ANAPC13: variants seen among roughly 807,000 people sequenced by gnomAD.
ANAPC13 encodes the protein anaphase-promoting complex subunit 13.
In ANAPC13, 9 loss-of-function variants were observed where a neutral mutation model predicts 9.6. The ratio of observed to expected loss-of-function variants is 0.94; its 90% CI spans 0.57 to 1.64. The LOEUF (loss-of-function observed/expected upper bound fraction) is 1.64. Ranked by LOEUF, ANAPC13 falls within the 40% of genes most tolerant of loss-of-function variation. The probability of loss-of-function intolerance (pLI) is 0.00; values close to 1 mark genes in which losing one functional copy is unlikely to be tolerated. For synonymous variants in ANAPC13, 30 were observed against 29.7 expected (o/e 1.01, Z -0.03); for missense variants, 75 against 85.3 (o/e 0.88, Z 0.48).
intron 1 of ANAPC13, among the ~76,000 whole-genome samples, chr3:134,484,280 T>C (rs1186117443): frequency 6.6e-6 from 1 of 151,960 alleles, no homozygotes; most frequent in African/African-American, 2.4e-5. Flanking sequence ...CTCGGGAGGC[T>C]GAGGCAGGAG....
In ANAPC13 at chr3:134,478,827, A is replaced by AT. The variant is rs1934669128; in HGVS notation, c.100-113dup. The AT allele has an allele frequency of 5.8e-6, 7 of 1,206,758 alleles. No individual in the cohort carries two copies. In the South Asian group the frequency reaches 8.3e-5, roughly 14 times the overall value. The allele number at this position is 1,206,758 out of a possible 1,614,324, so 74.8% of individuals were successfully genotyped here. On this transcript the variant is annotated intron_variant, in intron 2 of 2. Coordinates refer to ENST00000354910, the MANE Select transcript of ANAPC13 (RefSeq NM_015391.4). ...TTCCTAGGAACAGGCAACATAATTGATATGTGTATTCTAAAAAAGCTAAAA... is the reference window on the plus strand; with the variant it reads ...TTCCTAGGAACAGGCAACATAATTGATTATGTGTATTCTAAAAAAGCTAAAA...
intron 2 of ANAPC13, among the ~76,000 whole-genome samples, chr3:134,482,285 A>C (rs538743099): frequency 1.3e-5 from 2 of 152,318 alleles, no homozygotes; most frequent in East Asian, 3.9e-4. Flanking sequence ...CCTGCAGCAG[A>C]GTTTTCCAAA....
intron 1 of ANAPC13, among the ~76,000 whole-genome samples, chr3:134,484,387 G>A (rs377273787): frequency 1.3e-5 from 1 of 76,908 alleles, no homozygotes; most frequent in African/African-American, 4.4e-5. Flanking sequence ...ATTCCGTCTC[G>A]GAAAAAAAAA....
At chr3:134,481,617 A>C (rs1163642031) in intron 2 of ANAPC13, among the ~76,000 whole-genome samples, 1 of 152,184 alleles carries the variant, frequency 6.6e-6, no homozygotes, top group East Asian at 1.9e-4. Flanking sequence ...TAGACCCCTC[A>C]GGAGGAGGAA....
At chr3:134,480,562 T>C (rs1934712529) in intron 2 of ANAPC13, among the ~76,000 whole-genome samples, 1 of 152,216 alleles carries the variant, frequency 6.6e-6, no homozygotes, top group Admixed American at 6.5e-5. Flanking sequence ...GTGGGCCAGT[T>C]CTTGGCCTAA....
chr3:134,485,885 C>T (rs367720735), intron 1 of ANAPC13, 67 bp downstream of exon 1: 1 of 641,076 alleles, frequency 1.6e-6, no homozygotes, highest in Non-Finnish European at 1.9e-6. Context: ...GGGGGAAGTC[C>T]GACACTGAGC....
chr3:134,484,792 G>A (rs1450935210), intron 1 of ANAPC13, among the ~76,000 whole-genome samples: 1 of 152,130 alleles, frequency 6.6e-6, no homozygotes, highest in African/African-American at 2.4e-5. Flanking sequence ...GGAGGCCCAC[G>A]TAGATTTTCC....
intron 2 of ANAPC13, among the ~76,000 whole-genome samples, chr3:134,482,145 C>G (rs776363334): frequency 2.0e-5 from 3 of 152,204 alleles, no homozygotes; most frequent in African/African-American, 4.8e-5. Context: ...CTCAGGGCAG[C>G]TGGCATGCTT....
Position 134,478,497 on chromosome 3 carries a change from T to A in ANAPC13, c.*93A>T. The A allele has an allele frequency of 6.7e-7, 1 of 1,483,240 alleles. No homozygotes were observed. The highest frequency in any genetic ancestry group is 9.1e-7 in the Non-Finnish European group (1 of 1,097,992). The allele number at this position is 1,483,240 out of a possible 1,614,324, so 91.9% of individuals were successfully genotyped here. On this transcript the variant is annotated 3_prime_UTR_variant, in exon 3 of 3. Transcript: ENST00000354910. ...TGGGTGTACATTTTTGAGTGCTGAT[T>A]TATTACTCAAAGGTTTGAATTTGGA...
intron 2 of ANAPC13, among the ~76,000 whole-genome samples, chr3:134,480,512 T>C (rs182563800): frequency 6.4e-4 from 97 of 152,340 alleles, no homozygotes; most frequent in Admixed American, 6.3e-3. Flanking sequence ...GGACTGGCCC[T>C]GTGAGTTGTT....
chr3:134,480,940 C>A (rs376184120), intron 2 of ANAPC13, among the ~76,000 whole-genome samples: 1 of 152,306 alleles, frequency 6.6e-6, no homozygotes, highest in Admixed American at 6.5e-5. Flanking sequence ...GCAAGACAAG[C>A]GAAAGGTGTG....
chr3:134,482,712 G>T, intron 2 of ANAPC13, 94 bp downstream of exon 2: 2 of 980,592 alleles, frequency 2.0e-6, no homozygotes, highest in Non-Finnish European at 3.3e-6. Flanking sequence ...TGATTTCTTT[G>T]CCACACTAGT....
intron 2 of ANAPC13, 43 bp downstream of exon 2, chr3:134,482,763 G>GATCAATACCTTTAACCC (rs1286386219): frequency 6.6e-7 from 1 of 1,504,982 alleles, no homozygotes; most frequent in Admixed American, 1.7e-5. Context: ...GTTACTGCCA[G>GATCAATACCTTTAACCC]ATCAATACCT....
Position 134,478,251 on chromosome 3 carries a change from G to A in ANAPC13, c.*339C>T, listed in dbSNP as rs894377250. On this transcript the variant is annotated 3_prime_UTR_variant, in exon 3 of 3. Transcript: ENST00000354910. ...TTTTCTTTGCCTTTCCCTCTCATAC[G>A]TTCAATCACCTGTGTTACAGGACAC... The A allele has an allele frequency of 7.2e-5, 14 of 195,118 alleles. No homozygotes were observed. Among genetic ancestry groups the A allele is most frequent in the Admixed American group, 1.2e-4 (2 of 16,852 alleles). 12.1% of individuals were successfully genotyped at this position (195,118 alleles called of 1,614,324 possible). A position where few individuals can be genotyped will look rare whatever the true frequency, so the allele number is the denominator to read the frequency against.
chr3:134,484,739 G>A (rs115444480), intron 1 of ANAPC13, among the ~76,000 whole-genome samples: 2,173 of 152,280 alleles, frequency 0.014, 57 homozygotes, highest in African/African-American at 0.05. Flanking sequence ...TGTCTCCTGG[G>A]ATACCCTTCT....
rs1559828948 is a variant in ANAPC13 at position 134,478,601 on chromosome 3, T to C, written c.214A>G (p.Ile72Val). Residue 72 changes from isoleucine (I) to valine (V), a missense_variant, in exon 3 of 3, where the codon ATT (isoleucine) becomes GTT (valine). Transcript: ENST00000354910. ...LQYLHENVPP[I>V]GN Reference sequence around the variant, plus strand: ...AAAGGAGCCAAGCGTCAGTTTCCAATGGGGGGAACATTCTCATGGAGGTAC... The same window carrying C: ...AAAGGAGCCAAGCGTCAGTTTCCAACGGGGGGAACATTCTCATGGAGGTAC... 1.2e-6 allele frequency: 2 copies of C among 1,612,934 alleles called. No homozygotes were observed. The highest frequency in any genetic ancestry group is 2.2e-5 in the East Asian group (1 of 44,826).
At chr3:134,479,227 G>A (rs144920721) in intron 2 of ANAPC13, among the ~76,000 whole-genome samples, 49 of 152,340 alleles carry the variant, frequency 3.2e-4, no homozygotes, top group African/African-American at 1.1e-3. Context: ...GGAACACTGA[G>A]ATGAGTGAAT....
intron 1 of ANAPC13, among the ~76,000 whole-genome samples, chr3:134,484,138 T>C (rs1447049120): frequency 6.6e-6 from 1 of 152,214 alleles, no homozygotes; most frequent in Non-Finnish European, 1.5e-5. Context: ...TCCAGCACTT[T>C]GGGAGACCGA....
At chr3:134,481,589 C>A (rs1934736792) in intron 2 of ANAPC13, among the ~76,000 whole-genome samples, 1 of 152,188 alleles carries the variant, frequency 6.6e-6, no homozygotes, top group Non-Finnish European at 1.5e-5. Flanking sequence ...AATTACTTAT[C>A]TATAAGTGTT....
Sources: gnomAD v4.1 joint callset for allele counts (sites outside exome capture counted in the v4.1 genomes callset) on GRCh38, gnomAD v4.1.1 for gene constraint, MANE v1.5 for transcripts, NCBI Gene and HGNC (gene_info 2026-07-23, HGNC 2026-07-21) for gene names.